The following FMO3 variants were observed in gnomAD, a reference collection of about 807,000 sequenced individuals.
FMO3 encodes flavin containing dimethylaniline monoxygenase 3, also known as flavin-containing monooxygenase 3.
A neutral mutation model predicts 39.4 loss-of-function variants in FMO3; 40 were observed. The observed-to-expected ratio is 1.02, with a 90% CI of 0.79 to 1.32. The LOEUF (loss-of-function observed/expected upper bound fraction) is 1.32, where lower values mean the gene tolerates loss of function less well. Ranked by LOEUF, FMO3 falls within the 40% of genes most tolerant of loss-of-function variation. The pLI is 0.00. For missense variants in FMO3, 680 were observed against 651.8 expected (o/e 1.04, Z -0.47); for synonymous variants, 219 against 228.8 (o/e 0.96, Z 0.39).
Position 171,108,158 on chromosome 1 carries a change from G to T in FMO3, c.564G>T (p.Leu188=). 1 of 1,613,932 alleles carries T rather than the reference G, an allele frequency of 6.2e-7. No homozygotes were observed. The highest frequency in any genetic ancestry group is 8.5e-7 in the Non-Finnish European group (1 of 1,179,906). ...GTGTATTCAATGGAAAGCGTGTCCT[G>T]GTGGTTGGCCTGGGGAATTCGGGCT... The part of the protein sequence containing the change: ...EPGVFNGKRV[L]VVGLGNSGCD... The change falls in exon 5 of 9, where the codon CTG becomes CTT. Residue 188 remains leucine (L), a synonymous_variant. Coordinates refer to ENST00000367755, the MANE Select transcript of FMO3 (RefSeq NM_001002294.3).
chr1:171,100,452 C>T (rs1040897225), intron 2 of FMO3: 2 of 152,106 alleles, frequency 1.3e-5, no homozygotes, highest in African/African-American at 4.8e-5. Context: ...TTTTCCTCCC[C>T]GGTTAAATGG....
In FMO3 at chr1:171,110,833, G is replaced by A. The variant is rs775172022; in HGVS notation, c.663G>A (p.Met221Ile). 11 of 1,614,004 alleles carry A rather than the reference G, an allele frequency of 6.8e-6. No homozygotes were observed. Among genetic ancestry groups the A allele is most frequent in the Non-Finnish European group, 8.5e-7 (1 of 1,179,930 alleles). The change falls in exon 6 of 9, where the codon ATG becomes ATA. Residue 221 changes from methionine (M) to isoleucine (I), a missense_variant. Physicochemically the swap from Met to Ile is conservative, Grantham distance 10. Coordinates refer to ENST00000367755, the MANE Select transcript of FMO3 (RefSeq NM_001002294.3). ...MISSRSGSWV[M>I]SRVWDNGYPW... ...GTTCCAGAAGTGGCTCCTGGGTGATGAGCCGGGTCTGGGACAATGGTTATC... is the reference window on the plus strand; with the variant it reads ...GTTCCAGAAGTGGCTCCTGGGTGATAAGCCGGGTCTGGGACAATGGTTATC...
At chr1:171,110,332 A>G (rs966283596) in intron 5 of FMO3, among the ~76,000 whole-genome samples, 1 of 152,182 alleles carries the variant, frequency 6.6e-6, no homozygotes, top group Admixed American at 6.5e-5. Context: ...ACTAGAATTC[A>G]GTTATTAGTC....
chr1:171,096,067 TATATTAATATATAA>T (rs1557933323), intron 2 of FMO3, among the ~76,000 whole-genome samples: 1 of 64,308 alleles, frequency 1.6e-5, no homozygotes, highest in Non-Finnish European at 2.5e-5. Context: ...ATATATATTA[TATATTAATATATAA>T]TATATATTAA....
chr1:171,095,418 C>A (rs1479386463), intron 2 of FMO3, among the ~76,000 whole-genome samples: 2 of 152,066 alleles, frequency 1.3e-5, no homozygotes. Context: ...CTATGTTCTC[C>A]ACTCAATCAG....
chr1:171,095,700 G>C (rs1654925084), intron 2 of FMO3, among the ~76,000 whole-genome samples: 2 of 140,672 alleles, frequency 1.4e-5, no homozygotes, highest in Non-Finnish European at 3.0e-5. Flanking sequence ...AAACCACCCA[G>C]CATCTTTTCT....
At position 171,117,241 on chromosome 1, in the gene FMO3, TAGTCCCTACC is replaced by T. The variant is rs780448940; in HGVS notation, c.1402_1411del (p.Pro468LeufsTer17). 2 of 1,614,192 alleles carry T rather than the reference TAGTCCCTACC, an allele frequency of 1.2e-6. No individual in the cohort carries two copies. Among genetic ancestry groups the T allele is most frequent in the South Asian group, 2.2e-5 (2 of 91,092 alleles). On this transcript the variant is annotated frameshift_variant, in exon 9 of 9. Coordinates refer to ENST00000367755, the MANE Select transcript of FMO3 (RefSeq NM_001002294.3). LOFTEE classifies it low-confidence loss of function (END_TRUNC). ...CCATGGAAGTTTATTTTGGCCCTTG[TAGTCCCTACC>T]AGTTTAGGCTGGTGGGCCCAGGGCA...
chr1:171,110,088 C>T (rs28363560), intron 5 of FMO3, among the ~76,000 whole-genome samples: 8,765 of 152,154 alleles, frequency 0.058, 556 homozygotes, highest in East Asian at 0.21. Flanking sequence ...GAGGCAAATT[C>T]GATTCTCTCC....
At chr1:171,112,713 C>G (rs1291655702) in intron 6 of FMO3, among the ~76,000 whole-genome samples, 1 of 152,142 alleles carries the variant, frequency 6.6e-6, no homozygotes, top group Non-Finnish European at 1.5e-5. Context: ...AAACACAAGA[C>G]AGGAGGGAGG....
intron 2 of FMO3, among the ~76,000 whole-genome samples, chr1:171,096,785 A>AAAATGT (rs1553228433): frequency 7.2e-6 from 1 of 138,144 alleles, no homozygotes; most frequent in African/African-American, 2.6e-5. Flanking sequence ...AATTATATTA[A>AAAATGT]AAATATATAT....
At chr1:171,092,036 C>T (rs1353114773) in intron 1 of FMO3, among the ~76,000 whole-genome samples, 1 of 151,918 alleles carries the variant, frequency 6.6e-6, no homozygotes, top group African/African-American at 2.4e-5. Context: ...ATTTCTTCTG[C>T]TTACTCTTTT....
intron 2 of FMO3, among the ~76,000 whole-genome samples, chr1:171,103,495 C>A (rs977526991): frequency 3.3e-5 from 5 of 152,006 alleles, no homozygotes; most frequent in South Asian, 2.1e-4. Context: ...AATAAAAAAT[C>A]AAAATCAAAA....
At chr1:171,096,168 A>T (rs1339734357) in intron 2 of FMO3, among the ~76,000 whole-genome samples, 23 of 73,456 alleles carry the variant, frequency 3.1e-4, no homozygotes, top group Non-Finnish European at 5.0e-4. Context: ...TAATATATAT[A>T]ATTATATATA....
At position 171,112,708 on chromosome 1, in the gene FMO3, CAA is replaced by C. The variant is rs575995779; in HGVS notation, c.828-1298_828-1297del. Reference sequence around the variant, plus strand: ...AATGTTGAGCCAGCAGTGGGAAACACAAGACAGGAGGGAGGCTCAAACCAGAA... The same window carrying C: ...AATGTTGAGCCAGCAGTGGGAAACACGACAGGAGGGAGGCTCAAACCAGAA... On this transcript the variant is annotated intron_variant, in intron 6 of 8. Transcript: ENST00000367755. Among the ~76,000 whole-genome samples the C allele has an allele frequency of 2.2e-3, 331 of 152,238 alleles. 1 individual carries two copies. The highest frequency in any genetic ancestry group is 6.7e-3 in the African/African-American group (279 of 41,542).
chr1:171,096,637 AAATAC>A (rs1655086339), intron 2 of FMO3, among the ~76,000 whole-genome samples: 1 of 128,556 alleles, frequency 7.8e-6, no homozygotes, highest in African/African-American at 3.0e-5. Flanking sequence ...TTTATATATT[AAATAC>A]ATAATATATT....
At chr1:171,103,155 T>C (rs1377308818) in intron 2 of FMO3, among the ~76,000 whole-genome samples, 1 of 152,178 alleles carries the variant, frequency 6.6e-6, no homozygotes, top group Non-Finnish European at 1.5e-5. Context: ...AAAATCTCTG[T>C]CACCATATTT....
Position 171,115,002 on chromosome 1 carries a change from G to A in FMO3, c.1183+640G>A, listed in dbSNP as rs537164903. On this transcript the variant is annotated intron_variant, in intron 7 of 8. Transcript: ENST00000367755. ...ACAAAGGAAACAACAAACTTGATTG[G>A]GGTCAGGCAAGAAAGGCAGGCAGCA... is the stretch of plus-strand genomic sequence containing the variant. Among the ~76,000 whole-genome samples, 4 of 152,264 alleles carry A rather than the reference G, an allele frequency of 2.6e-5. No homozygotes were observed. The South Asian group carries it at 8.3e-4, about 32-fold the overall frequency.
intron 2 of FMO3, among the ~76,000 whole-genome samples, chr1:171,096,446 A>G (rs1286473495): frequency 6.6e-5 from 7 of 105,456 alleles, no homozygotes; most frequent in Non-Finnish European, 8.3e-5. Flanking sequence ...CATATTTTAT[A>G]TATTAAATAT....
intron 2 of FMO3, among the ~76,000 whole-genome samples, chr1:171,099,473 T>A (rs896118507): frequency 1.3e-5 from 2 of 152,196 alleles, no homozygotes; most frequent in Non-Finnish European, 2.9e-5. Context: ...TATTTTTGTT[T>A]CTTTGTGGCC....
Sources: allele counts gnomAD v4.1 joint callset (sites outside exome capture counted in the v4.1 genomes callset), GRCh38; gene constraint gnomAD v4.1.1; transcripts MANE v1.5; gene names NCBI Gene and HGNC (gene_info 2026-07-23, HGNC 2026-07-21).